SPIDR: variants seen among roughly 807,000 people sequenced by gnomAD.
SPIDR encodes DNA repair-scaffolding protein.
SPIDR carries 93 observed loss-of-function variants against 104.6 expected under a neutral mutation model. The ratio of observed to expected loss-of-function variants is 0.89; its 90% CI spans 0.75 to 1.06. The LOEUF is 1.06. SPIDR is among the 50% of genes least tolerant of loss of function. SPIDR has a pLI of 0.00. For synonymous variants in SPIDR, 431 were observed against 416.9 expected (o/e 1.03, Z -0.41); for missense variants, 1,154 against 1,111.2 (o/e 1.04, Z -0.55).
rs1439388355 is a variant in SPIDR, at chr8:47,291,144, G to A, written c.361+7G>A. ...CTTTCTCAGTTACAGAGAGGTAATGGACATTGCTCTAGAATAGACAGATTT... is the reference window on the plus strand; with the variant it reads ...CTTTCTCAGTTACAGAGAGGTAATGAACATTGCTCTAGAATAGACAGATTT... On this transcript the variant is annotated splice_region_variant and intron_variant, in intron 4 of 19. Coordinates refer to ENST00000297423, the MANE Select transcript of SPIDR (RefSeq NM_001080394.4). 11 of 1,588,264 alleles carry A rather than the reference G, an allele frequency of 6.9e-6. No homozygotes were observed. The highest frequency in any genetic ancestry group is 3.4e-5 in the Admixed American group (2 of 59,324).
chr8:47,640,905 G>C (rs915810151), intron 10 of SPIDR, among the ~76,000 whole-genome samples: 11 of 108,692 alleles, frequency 1.0e-4, no homozygotes, highest in Admixed American at 7.1e-4. Context: ...TAGAGACGGG[G>C]TTTCACCGTG....
intron 8 of SPIDR, among the ~76,000 whole-genome samples, chr8:47,583,902 A>C (rs1327307058): frequency 6.6e-6 from 1 of 152,142 alleles, no homozygotes; most frequent in Non-Finnish European, 1.5e-5. Flanking sequence ...TCCGAGTCAC[A>C]ACCTTTTCCT....
At chr8:47,711,701 T>A (rs1181638421) in intron 14 of SPIDR, among the ~76,000 whole-genome samples, 2 of 152,216 alleles carry the variant, frequency 1.3e-5, no homozygotes, top group Non-Finnish European at 2.9e-5. Context: ...AAATCATTAT[T>A]TCATACCAAT....
chr8:47,297,354 C>G (rs1554573458), intron 5 of SPIDR, among the ~76,000 whole-genome samples: 79 of 152,138 alleles, frequency 5.2e-4, no homozygotes, highest in South Asian at 1.2e-3. Context: ...TTACATATGG[C>G]CTTTATTGTG....
rs988502418 is a variant in SPIDR at position 47,293,797 on chromosome 8, A to G, written c.362-70A>G. 4.3e-4 allele frequency: 617 copies of G among 1,448,712 alleles called. 2 individuals are homozygous for G. Among genetic ancestry groups the G allele is most frequent in the Non-Finnish European group, 5.3e-4 (571 of 1,068,246 alleles). The allele number at this position is 1,448,712 out of a possible 1,614,324, so 89.7% of individuals were successfully genotyped here. ...GAGTGACATGGATATATTAACTGCT[A>G]AGAATAAAAGAGATATAAAAGTGAA... On this transcript the variant is annotated intron_variant, in intron 4 of 19. Coordinates refer to ENST00000297423, the MANE Select transcript of SPIDR (RefSeq NM_001080394.4).
At chr8:47,541,781 C>G (rs1342342058) in intron 8 of SPIDR, among the ~76,000 whole-genome samples, 1 of 151,968 alleles carries the variant, frequency 6.6e-6, no homozygotes, top group Non-Finnish European at 1.5e-5. Flanking sequence ...CACCTGTAGT[C>G]TCAGCTATTC....
At chr8:47,449,499 C>G (rs1236976581) in intron 8 of SPIDR, among the ~76,000 whole-genome samples, 2 of 152,186 alleles carry the variant, frequency 1.3e-5, no homozygotes, top group East Asian at 3.8e-4. Flanking sequence ...ATATTTGCCA[C>G]ATGAGATTCT....
At chr8:47,606,014 TC>T (rs1235353796) in intron 10 of SPIDR, among the ~76,000 whole-genome samples, 2 of 152,144 alleles carry the variant, frequency 1.3e-5, no homozygotes, top group African/African-American at 4.8e-5. Context: ...CCCCTAGCAC[TC>T]CCATCAACAA....
intron 11 of SPIDR, among the ~76,000 whole-genome samples, chr8:47,692,107 G>A (rs1219959039): frequency 6.6e-6 from 1 of 152,204 alleles, no homozygotes; most frequent in Non-Finnish European, 1.5e-5. Context: ...GTCAGGTTTA[G>A]TGGTCTCCTG....
chr8:47,699,197 A>G (rs757878017), intron 11 of SPIDR, among the ~76,000 whole-genome samples: 4 of 152,222 alleles, frequency 2.6e-5, no homozygotes, highest in Non-Finnish European at 4.4e-5. Flanking sequence ...CTATAGTAAC[A>G]TCAAGTGGCT....
intron 8 of SPIDR, among the ~76,000 whole-genome samples, chr8:47,487,107 T>A (rs568275483): frequency 1.6e-3 from 250 of 152,252 alleles, no homozygotes; most frequent in African/African-American, 5.8e-3. Context: ...AGGAGACCCA[T>A]CTGATGTGCA....
At chr8:47,412,107 C>A (rs569068185) in intron 7 of SPIDR, among the ~76,000 whole-genome samples, 2 of 152,222 alleles carry the variant, frequency 1.3e-5, no homozygotes, top group South Asian at 4.2e-4. Context: ...CAGCTTTGTT[C>A]TTTTGGCTTA....
chr8:47,548,187 C>T (rs1414651284), intron 8 of SPIDR, among the ~76,000 whole-genome samples: 1 of 151,936 alleles, frequency 6.6e-6, no homozygotes, highest in African/African-American at 2.4e-5. Context: ...GTAGCTTTTG[C>T]CTTAAACTAA....
At chr8:47,579,319 T>C (rs528859159) in intron 8 of SPIDR, among the ~76,000 whole-genome samples, 62 of 152,272 alleles carry the variant, frequency 4.1e-4, no homozygotes, top group African/African-American at 1.3e-3. Flanking sequence ...TCAAAAAGAA[T>C]TTACTAAGTA....
At chr8:47,520,526 A>G (rs1041888953) in intron 8 of SPIDR, among the ~76,000 whole-genome samples, 2 of 152,170 alleles carry the variant, frequency 1.3e-5, no homozygotes, top group African/African-American at 4.8e-5. Context: ...CCCAGAGCCA[A>G]TTCCCACCCC....
intron 5 of SPIDR, among the ~76,000 whole-genome samples, chr8:47,316,030 A>G (rs2045275909): frequency 6.6e-6 from 1 of 152,210 alleles, no homozygotes; most frequent in South Asian, 2.1e-4. Flanking sequence ...TCATTAAGAG[A>G]CATGAAGAAA....
At chr8:47,321,322 T>C (rs142946382) in intron 5 of SPIDR, among the ~76,000 whole-genome samples, 77,807 of 151,972 alleles carry the variant, frequency 0.51, 23,962 homozygotes, top group African/African-American at 0.87. Flanking sequence ...AGAGCCAAAT[T>C]ATGAGTGAAC....
At chr8:47,454,980 C>G (rs2072668756) in intron 8 of SPIDR, among the ~76,000 whole-genome samples, 1 of 152,042 alleles carries the variant, frequency 6.6e-6, no homozygotes, top group African/African-American at 2.4e-5. Context: ...ACAAAAAATG[C>G]TACAGCAAGT....
intron 10 of SPIDR, among the ~76,000 whole-genome samples, chr8:47,633,566 A>AC (rs951132938): frequency 2.0e-5 from 3 of 151,036 alleles, no homozygotes; most frequent in African/African-American, 7.3e-5. Flanking sequence ...TTGAAAAAAA[A>AC]AAAAAAACAA....
Sources: allele counts gnomAD v4.1 joint callset (sites outside exome capture counted in the v4.1 genomes callset), GRCh38; gene constraint gnomAD v4.1.1; transcripts MANE v1.5; gene names NCBI Gene and HGNC (gene_info 2026-07-23, HGNC 2026-07-21).